Variants in ATAD3A observed in about 807,000 individuals in gnomAD.
The protein encoded by ATAD3A is ATPase family AAA domain containing 3A, also known as ATPase family AAA domain-containing protein 3A.
ATAD3A carries 46 observed loss-of-function variants against 73.8 expected under a neutral mutation model. The ratio of observed to expected loss-of-function variants is 0.62; its 90% CI spans 0.49 to 0.80. The LOEUF (loss-of-function observed/expected upper bound fraction) is 0.80, where lower values mean the gene tolerates loss of function less well. Ranked by LOEUF, ATAD3A falls within the 30% of genes least tolerant of loss-of-function variation. The pLI is 0.00. For missense variants in ATAD3A, 705 were observed against 838.0 expected (o/e 0.84, Z 1.96); for synonymous variants, 319 against 350.0 (o/e 0.91, Z 0.99).
rs564671127 is a variant in ATAD3A, at chr1:1,533,157, G to A, written c.1615-769G>A. Among the ~76,000 whole-genome samples the A allele has an allele frequency of 1.6e-3, 242 of 152,278 alleles. 1 individual carries two copies. The highest frequency in any genetic ancestry group is 5.3e-3 in the African/African-American group (219 of 41,546). On this transcript the variant is annotated intron_variant, in intron 15 of 15. Coordinates refer to ENST00000378756, the MANE Select transcript of ATAD3A (RefSeq NM_001170535.3). ...CTGGGAGGTACAGCTGGGACGGGGC[G>A]AGGGACCCACTCAGCTGTCCAGGAA...
chr1:1,524,087 A>T, intron 10 of ATAD3A, 123 bp downstream of exon 10: 3 of 1,577,012 alleles, frequency 1.9e-6, no homozygotes, highest in Non-Finnish European at 2.6e-6. Flanking sequence ...ACCCTCGTGT[A>T]GGCTCAGGGT....
chr1:1,517,094 G>T (rs1166768092), intron 2 of ATAD3A: 2 of 1,529,590 alleles, frequency 1.3e-6, no homozygotes, highest in Admixed American at 2.0e-5. Flanking sequence ...CTCCCGGGGG[G>T]CCTTCGCGGG....
At chr1:1,527,940 T>TATGG (rs1207046557) in intron 14 of ATAD3A, 78 bp downstream of exon 14, 15 of 1,395,360 alleles carry the variant, frequency 1.1e-5, no homozygotes, top group Non-Finnish European at 9.7e-6. Flanking sequence ...CACCATCACT[T>TATGG]ACAAACCTTT....
At position 1,520,739 on chromosome 1, in the gene ATAD3A, G is replaced by A; in HGVS notation, c.750+122G>A. 1.3e-6 allele frequency: 2 copies of A among 1,489,252 alleles called. No homozygotes were observed. The highest frequency in any genetic ancestry group is 2.0e-5 in the Admixed American group (1 of 50,822). The allele number at this position is 1,489,252 out of a possible 1,614,324, so 92.3% of individuals were successfully genotyped here. On this transcript the variant is annotated intron_variant, in intron 7 of 15. Transcript: ENST00000378756. This position sits in a 1 kb window ranked among gnomAD's most constrained non-coding sequence, Gnocchi z 4.0. ...GCCCTGTAGCTCTCCCAGCAGGGAG[G>A]AAGCCCACGTTGTACCTGCTGGCCT...
chr1:1,514,194 CCA>C (rs1641284748), intron 1 of ATAD3A, among the ~76,000 whole-genome samples: 1 of 152,186 alleles, frequency 6.6e-6, no homozygotes, highest in Non-Finnish European at 1.5e-5. Context: ...CTCCTCCTCC[CCA>C]GAGTCACTGG....
chr1:1,527,571 G>C (rs1243073613), intron 13 of ATAD3A, 124 bp from the exon 14 acceptor site: 3 of 1,312,644 alleles, frequency 2.3e-6, no homozygotes, highest in Admixed American at 5.4e-5. Flanking sequence ...GACCAGGGCT[G>C]TGCCCGTGTC....
At chr1:1,521,171 C>T (rs999428327) in intron 7 of ATAD3A, among the ~76,000 whole-genome samples, 6 of 151,016 alleles carry the variant, frequency 4.0e-5, no homozygotes, top group African/African-American at 4.9e-5. Flanking sequence ...CAGTGGCGGG[C>T]GCCTATAGTC....
At chr1:1,515,990 C>G (rs1641341404) in intron 1 of ATAD3A, 22 bp from the exon 2 acceptor site, 1 of 1,613,802 alleles carries the variant, frequency 6.2e-7, no homozygotes, top group Non-Finnish European at 8.5e-7. Context: ...AACACCTGCC[C>G]TCCGTGTCCT....
intron 4 of ATAD3A, among the ~76,000 whole-genome samples, chr1:1,518,579 ACACACCCGCACATGGGCACACACC>A (rs1332212113): frequency 6.5e-5 from 7 of 108,484 alleles, no homozygotes; most frequent in Admixed American, 2.4e-4. Context: ...GGACACACAC[ACACACCCGCACATGGGCACACACC>A]CACACACGGG....
intron 2 of ATAD3A, among the ~76,000 whole-genome samples, chr1:1,516,841 A>G (rs556114515): frequency 1.3e-5 from 2 of 152,100 alleles, no homozygotes; most frequent in African/African-American, 2.4e-5. Flanking sequence ...GCCTCCGAGC[A>G]GCTGGGACTA....
intron 15 of ATAD3A, among the ~76,000 whole-genome samples, chr1:1,529,984 G>A (rs1557479029): frequency 1.3e-5 from 2 of 152,214 alleles, no homozygotes; most frequent in African/African-American, 2.4e-5. Flanking sequence ...CCACCTCTGG[G>A]GTCCGCAGAG....
Position 1,520,638 on chromosome 1 carries a change from G to A in ATAD3A, c.750+21G>A. The A allele has an allele frequency of 6.2e-7, 1 of 1,613,164 alleles. No homozygotes were observed. The highest frequency in any genetic ancestry group is 2.2e-5 in the East Asian group (1 of 44,886). ...CCACGGTAAACATACTCATAAAACA[G>A]GGCTGGCAGGTGGCTGAGGGGCAGC... On this transcript the variant is annotated intron_variant, in intron 7 of 15. Transcript: ENST00000378756. This position sits in a 1 kb window ranked among gnomAD's most constrained non-coding sequence, Gnocchi z 4.0.
Position 1,527,869 on chromosome 1 carries a change from G to A in ATAD3A, c.1505+7G>A, listed in dbSNP as rs1231760087. 6.2e-7 allele frequency: 1 copy of A among 1,609,480 alleles called. No individual in the cohort carries two copies. ...CGGCCACAGAAGGAAAGCAGTAAGT[G>A]TCCCGCCCCACCAGCCCCCGTCCAG... On this transcript the variant is annotated splice_region_variant and intron_variant, in intron 14 of 15. Transcript: ENST00000378756.
rs779686128 is a variant in ATAD3A, at chr1:1,522,811, G to A, written c.818G>A (p.Arg273His). The A allele has an allele frequency of 1.5e-5, 24 of 1,611,186 alleles. No homozygotes were observed. The highest frequency in any genetic ancestry group is 4.5e-5 in the East Asian group (2 of 44,872). ...AAGAATGCCACGCTTGTCGCCGGCC[G>A]CTTCATCGAGGCTCGGCTGGGGAAG... ...SAKNATLVAGRFIEARLGKPS... is the reference protein window; with the variant it reads ...SAKNATLVAGHFIEARLGKPS... Residue 273 changes from arginine (R) to histidine (H), a missense_variant, in exon 8 of 16, where the codon CGC becomes CAC. Physicochemically the swap from Arg to His is conservative, Grantham distance 29. This residue lies in a region of ATAD3A where 315 missense variants were observed against 334.1 expected (regional missense o/e 0.94). Transcript: ENST00000378756.
chr1:1,517,117 C>G (rs529316879), intron 2 of ATAD3A, 194 bp from the exon 3 acceptor site: 1 of 1,541,542 alleles, frequency 6.5e-7, no homozygotes, highest in African/African-American at 1.4e-5. Context: ...TCTGCTGGTG[C>G]TTCTGTGCCT....
chr1:1,533,901 C>T lies in ATAD3A; in HGVS notation c.1615-25C>T, dbSNP rs753407014. 3.9e-5 allele frequency: 63 copies of T among 1,608,408 alleles called. 1 individual carries two copies. The highest frequency in any genetic ancestry group is 5.0e-5 in the Non-Finnish European group (59 of 1,177,674). The stretch of plus-strand genomic sequence containing the variant: ...GGTGGGGGGTTCCCATGGCGGCCTC[C>T]CTCAGCTGCCTCTCTCCCCACTAGG... On this transcript the variant is annotated intron_variant, in intron 15 of 15. Transcript: ENST00000378756.
At chr1:1,533,477 T>G (rs1642104415) in intron 15 of ATAD3A, among the ~76,000 whole-genome samples, 1 of 152,176 alleles carries the variant, frequency 6.6e-6, no homozygotes, top group Non-Finnish European at 1.5e-5. Context: ...GTGGCCTTGG[T>G]GCCACCACTC....
Position 1,520,006 on chromosome 1 carries a change from C to CGTGGCATGGGCCTGTCT in ATAD3A, c.515-129_515-113dup, listed in dbSNP as rs146843045. The CGTGGCATGGGCCTGTCT allele has an allele frequency of 6.9e-7, 1 of 1,439,182 alleles. No homozygotes were observed. The highest frequency in any genetic ancestry group is 1.4e-5 in the South Asian group (1 of 73,024). The allele number at this position is 1,439,182 out of a possible 1,614,324, so 89.2% of individuals were successfully genotyped here. ...GGCCTGTCCATGGCGTGGGCCGGTC[C>CGTGGCATGGGCCTGTCT]GTGGCATGGGCCTGTCTGTGGCGTT... On this transcript the variant is annotated intron_variant, in intron 5 of 15. Transcript: ENST00000378756. The surrounding 1 kb of genome is among the most constrained non-coding windows in gnomAD (Gnocchi z 4.0).
intron 7 of ATAD3A, among the ~76,000 whole-genome samples, chr1:1,521,327 A>AAC (rs1641591598): frequency 6.6e-6 from 1 of 151,026 alleles, no homozygotes; most frequent in East Asian, 1.9e-4. Context: ...AAAAAAAAAA[A>AAC]AACCAGAAGG....
Sources: gnomAD v4.1 joint callset for allele counts (sites outside exome capture counted in the v4.1 genomes callset) on GRCh38, gnomAD v4.1.1 for gene constraint, gnomAD v4.1.1 regional missense constraint, Gnocchi (gnomAD v3.1) non-coding constraint, MANE v1.5 for transcripts, NCBI Gene and HGNC (gene_info 2026-07-23, HGNC 2026-07-21) for gene names.